Variants in MRPS28 observed in about 807,000 individuals in gnomAD.
MRPS28 encodes the protein small ribosomal subunit protein bS1m.
Under a neutral mutation model 10.8 loss-of-function variants are expected in MRPS28, and 7 were observed. The observed-to-expected ratio is 0.65, with a 90% CI of 0.37 to 1.22. The LOEUF (loss-of-function observed/expected upper bound fraction) is 1.22. Among genes scored for constraint, MRPS28 ranks in the 50% most tolerant of loss-of-function variants. The probability of loss-of-function intolerance (pLI) is 0.02; values close to 1 mark genes in which losing one functional copy is unlikely to be tolerated. For synonymous variants in MRPS28, 121 were observed against 93.3 expected (o/e 1.30, Z -1.71); for missense variants, 265 against 232.9 (o/e 1.14, Z -0.90).
intron 2 of MRPS28, among the ~76,000 whole-genome samples, chr8:79,920,064 G>C (rs2129832790): frequency 6.6e-6 from 1 of 151,128 alleles, no homozygotes; most frequent in East Asian, 2.0e-4. Flanking sequence ...CCTTACGATA[G>C]TTTGCTGAGA....
intron 2 of MRPS28, among the ~76,000 whole-genome samples, chr8:79,956,108 G>A (rs1332700944): frequency 6.6e-6 from 1 of 152,008 alleles, no homozygotes; most frequent in Admixed American, 6.6e-5. Flanking sequence ...ATGCCTGATT[G>A]CCTTTGAAAC....
intron 2 of MRPS28, among the ~76,000 whole-genome samples, chr8:79,981,088 G>A (rs890760070): frequency 1.3e-5 from 2 of 152,196 alleles, no homozygotes; most frequent in African/African-American, 4.8e-5. Context: ...CAGCACTCTG[G>A]GAGGCCGAAG....
intron 2 of MRPS28, among the ~76,000 whole-genome samples, chr8:79,963,971 G>A (rs1807439717): frequency 6.6e-6 from 1 of 152,008 alleles, no homozygotes; most frequent in African/African-American, 2.4e-5. Context: ...AAATAGAAAA[G>A]TCACCATTAG....
Position 80,026,457 on chromosome 8 carries a change from A to G in MRPS28, c.213+3579T>C, listed in dbSNP as rs1809495312. ...CAATTGTTTGTGGACAGTGACACAT[A>G]TATTACAATTCAACGACAGGCCAGG... On this transcript the variant is annotated intron_variant, in intron 1 of 2. Transcript: ENST00000276585. 2.0e-5 allele frequency among the ~76,000 whole-genome samples: 3 copies of G among 152,228 alleles called. No individual in the cohort carries two copies. In the South Asian group the frequency reaches 6.2e-4, roughly 31 times the overall value.
intron 2 of MRPS28, among the ~76,000 whole-genome samples, chr8:79,990,414 G>C (rs58292485): frequency 0.014 from 2,181 of 152,150 alleles, 55 homozygotes; most frequent in African/African-American, 0.049. Context: ...AACAGTCTCA[G>C]AACTGGTCTT....
At chr8:79,957,419 A>G (rs1391669459) in intron 2 of MRPS28, 3 of 152,058 alleles carry the variant, frequency 2.0e-5, no homozygotes, top group African/African-American at 4.8e-5. Flanking sequence ...TTAATATATA[A>G]GACCAGAGCC....
intron 2 of MRPS28, among the ~76,000 whole-genome samples, chr8:79,985,818 T>C (rs1426325789): frequency 1.3e-5 from 2 of 152,072 alleles, no homozygotes; most frequent in East Asian, 3.9e-4. Flanking sequence ...CAGGACCAGA[T>C]GGATTCACAG....
intron 1 of MRPS28, among the ~76,000 whole-genome samples, chr8:80,013,809 T>C (rs1331486753): frequency 6.6e-6 from 1 of 152,146 alleles, no homozygotes; most frequent in Non-Finnish European, 1.5e-5. Flanking sequence ...TTTGTTTCTT[T>C]AACACTAACC....
chr8:79,928,491 A>G (rs1657227424), intron 2 of MRPS28, among the ~76,000 whole-genome samples: 1 of 151,974 alleles, frequency 6.6e-6, no homozygotes, highest in African/African-American at 2.4e-5. Context: ...TCAGACTGGA[A>G]TACTGTGGCA....
At chr8:79,921,145 C>G (rs1294815688) in intron 2 of MRPS28, among the ~76,000 whole-genome samples, 1 of 150,710 alleles carries the variant, frequency 6.6e-6, no homozygotes, top group African/African-American at 2.5e-5. Flanking sequence ...TTCCATTGGT[C>G]TATATCTCTG....
chr8:80,016,436 G>C (rs1383970731), intron 1 of MRPS28, among the ~76,000 whole-genome samples: 1 of 151,528 alleles, frequency 6.6e-6, no homozygotes, highest in Non-Finnish European at 1.5e-5. Flanking sequence ...TACTAACCTA[G>C]AATTCTGTAC....
At chr8:79,939,832 T>C (rs1040114022) in intron 2 of MRPS28, among the ~76,000 whole-genome samples, 3 of 151,886 alleles carry the variant, frequency 2.0e-5, no homozygotes, top group Admixed American at 1.3e-4. Flanking sequence ...TAGCCGGGCA[T>C]GGTGGCGGGC....
At chr8:80,008,719 A>G (rs1334783672) in intron 1 of MRPS28, among the ~76,000 whole-genome samples, 2 of 152,258 alleles carry the variant, frequency 1.3e-5, no homozygotes, top group Non-Finnish European at 2.9e-5. Context: ...CAAAACCACA[A>G]TGGGATAACC....
intron 2 of MRPS28, among the ~76,000 whole-genome samples, chr8:79,974,528 G>A (rs764603426): frequency 9.3e-5 from 14 of 150,834 alleles, no homozygotes; most frequent in Non-Finnish European, 1.5e-4. Flanking sequence ...GCGACAGAGC[G>A]AGACTCTGTC....
chr8:79,957,840 G>GT (rs1807268725), intron 2 of MRPS28: 1 of 152,172 alleles, frequency 6.6e-6, no homozygotes, highest in African/African-American at 2.4e-5. Context: ...TGATCATGTG[G>GT]TTGAAGAAGA....
intron 1 of MRPS28, among the ~76,000 whole-genome samples, chr8:80,003,573 C>T (rs1456641997): frequency 4.6e-5 from 7 of 152,264 alleles, no homozygotes; most frequent in Non-Finnish European, 8.8e-5. Context: ...GCGTGAGTGA[C>T]CCAGAAGACA....
chr8:79,979,769 C>T (rs1335513867), intron 2 of MRPS28, among the ~76,000 whole-genome samples: 1 of 151,946 alleles, frequency 6.6e-6, no homozygotes, highest in Non-Finnish European at 1.5e-5. Context: ...CTCCCTTAAA[C>T]ACAGACATGT....
At chr8:79,952,256 A>G (rs530960653) in intron 2 of MRPS28, among the ~76,000 whole-genome samples, 2 of 152,324 alleles carry the variant, frequency 1.3e-5, no homozygotes, top group African/African-American at 4.8e-5. Context: ...AATTTTGTTC[A>G]TATCGATTGA....
chr8:79,994,335 T>C (rs897368381), intron 2 of MRPS28, among the ~76,000 whole-genome samples: 1 of 152,180 alleles, frequency 6.6e-6, no homozygotes, highest in Non-Finnish European at 1.5e-5. Flanking sequence ...TATTATGACC[T>C]TGAATGGAAA....
Sources: gnomAD v4.1 joint callset for allele counts (sites outside exome capture counted in the v4.1 genomes callset) on GRCh38, gnomAD v4.1.1 for gene constraint, MANE v1.5 for transcripts, NCBI Gene and HGNC (gene_info 2026-07-23, HGNC 2026-07-21) for gene names.